ATP1A4: variants seen among roughly 807,000 people sequenced by gnomAD.
ATP1A4 encodes ATPase Na+/K+ transporting subunit alpha 4.
ATP1A4 carries 90 observed loss-of-function variants against 114.3 expected under a neutral mutation model. The observed-to-expected ratio is 0.79, with a 90% CI of 0.66 to 0.94. The LOEUF is 0.94. ATP1A4 is among the 40% of genes least tolerant of loss of function. ATP1A4 has a pLI of 0.00. For missense variants in ATP1A4, 1,222 were observed against 1,313.6 expected (o/e 0.93, Z 1.08); for synonymous variants, 511 against 494.1 (o/e 1.03, Z -0.45).
Position 160,174,865 on chromosome 1 carries a change from G to A in ATP1A4, c.2311+118G>A, listed in dbSNP as rs895907767. The A allele has an allele frequency of 2.7e-6, 4 of 1,464,036 alleles. No homozygotes were observed. In the African/African-American group the frequency reaches 4.2e-5, roughly 16 times the overall value. The allele number at this position is 1,464,036 out of a possible 1,614,324, so 90.7% of individuals were successfully genotyped here. A position where few individuals can be genotyped will look rare whatever the true frequency, so the allele number is the denominator to read the frequency against. On this transcript the variant is annotated intron_variant, in intron 15 of 21. Coordinates refer to ENST00000368081, the MANE Select transcript of ATP1A4 (RefSeq NM_144699.4). Reference sequence around the variant, plus strand: ...ACCTCCATGAGCCTGTACGGGCTCAGAAGAAAATCACTGTAAGACAAAATT... The same window carrying A: ...ACCTCCATGAGCCTGTACGGGCTCAAAAGAAAATCACTGTAAGACAAAATT...
intron 1 of ATP1A4, among the ~76,000 whole-genome samples, 185 bp from the exon 2 acceptor site, chr1:160,152,980 G>A (rs1355019043): frequency 2.0e-5 from 3 of 152,094 alleles, no homozygotes; most frequent in African/African-American, 4.8e-5. Context: ...GCAGTGAGTC[G>A]AAATCGCACC....
chr1:160,161,193 T>C (rs1652852894), intron 6 of ATP1A4, among the ~76,000 whole-genome samples: 1 of 152,210 alleles, frequency 6.6e-6, no homozygotes, highest in African/African-American at 2.4e-5. Flanking sequence ...CCGATAGCAT[T>C]TACCCTAGAT....
At chr1:160,171,085 G>A in intron 10 of ATP1A4, 166 bp from the exon 11 acceptor site, 1 of 569,476 alleles carries the variant, frequency 1.8e-6, no homozygotes, top group Non-Finnish European at 3.1e-6. Context: ...GAAAAAGGAG[G>A]AGGGGCTGGG....
At chr1:160,160,373 C>A (rs558692022) in intron 6 of ATP1A4, among the ~76,000 whole-genome samples, 1 of 152,056 alleles carries the variant, frequency 6.6e-6, no homozygotes, top group Non-Finnish European at 1.5e-5. Flanking sequence ...CCCACCACCA[C>A]GCCCAGTTAT....
rs1436907074 is a variant in ATP1A4, at chr1:160,174,111, T to A, written c.1992T>A (p.Ser664Arg). ...GCCTTTTGAAATTATTTTCCCTCAG[T>A]GCTGCCAAAGCCATTGTGGTGCATG... ...LKIPISKVDA[S>R]AAKAIVVHGA... The change falls in exon 14 of 22, where the codon AGT becomes AGA. Residue 664 changes from serine (S) to arginine (R), a missense_variant and splice_region_variant. Ser to Arg is a moderately radical substitution (Grantham distance 110). Transcript: ENST00000368081. The A allele has an allele frequency of 6.2e-7, 1 of 1,613,558 alleles. No individual in the cohort carries two copies. Among genetic ancestry groups the A allele is most frequent in the Non-Finnish European group, 8.5e-7 (1 of 1,179,794 alleles).
chr1:160,186,514 T>TA, intron 21 of ATP1A4, 147 bp downstream of exon 21: 1 of 1,057,148 alleles, frequency 9.5e-7, no homozygotes, highest in Non-Finnish European at 1.4e-6. Flanking sequence ...GAGACCTCTC[T>TA]ACCCCTTGGC....
intron 20 of ATP1A4, among the ~76,000 whole-genome samples, chr1:160,184,756 C>T (rs1352759757): frequency 3.9e-5 from 6 of 152,266 alleles, no homozygotes; most frequent in Non-Finnish European, 7.3e-5. Flanking sequence ...TTGGACAGTG[C>T]TGGTCTAGGC....
intron 7 of ATP1A4, 38 bp from the exon 8 acceptor site, chr1:160,166,490 T>A (rs1168290187): frequency 3.1e-6 from 5 of 1,607,894 alleles, no homozygotes; most frequent in Admixed American, 3.4e-5. Context: ...GAGTATTCCA[T>A]CTCCCATGTG....
chr1:160,165,332 GCTT>G (rs1652988339), intron 7 of ATP1A4, among the ~76,000 whole-genome samples: 1 of 152,184 alleles, frequency 6.6e-6, no homozygotes, highest in South Asian at 2.1e-4. Context: ...GAATTCATTA[GCTT>G]TTAAAACAAT....
chr1:160,160,882 C>T (rs1652843188), intron 6 of ATP1A4, among the ~76,000 whole-genome samples: 1 of 152,116 alleles, frequency 6.6e-6, no homozygotes, highest in South Asian at 2.1e-4. Flanking sequence ...ATTGATTGGA[C>T]AGAAGCAAGT....
chr1:160,156,782 C>G (rs1046935880), intron 4 of ATP1A4, among the ~76,000 whole-genome samples: 1 of 151,906 alleles, frequency 6.6e-6, no homozygotes, highest in African/African-American at 2.4e-5. Context: ...GACCCTGTCT[C>G]AAAAAATAAT....
chr1:160,161,860 A>C (rs1348868183), intron 6 of ATP1A4, among the ~76,000 whole-genome samples: 1 of 152,238 alleles, frequency 6.6e-6, no homozygotes, highest in African/African-American at 2.4e-5. Context: ...CAACCTTAGA[A>C]AACGGAGACC....
At chr1:160,171,049 A>T in intron 10 of ATP1A4, 1 of 497,548 alleles carries the variant, frequency 2.0e-6, no homozygotes, top group Non-Finnish European at 3.5e-6. Flanking sequence ...ATTCCTGTGC[A>T]AATAATACCA....
chr1:160,155,344 C>A, intron 3 of ATP1A4, 96 bp downstream of exon 3: 1 of 784,550 alleles, frequency 1.3e-6, no homozygotes, highest in Non-Finnish European at 2.0e-6. Flanking sequence ...TCCTCTGGCC[C>A]AAATCCCTAA....
chr1:160,152,298 C>A, intron 1 of ATP1A4, 111 bp downstream of exon 1: 3 of 1,177,538 alleles, frequency 2.5e-6, no homozygotes, highest in Non-Finnish European at 3.5e-6. Context: ...CACATCTCTT[C>A]TCTGTTAGGC....
intron 10 of ATP1A4, among the ~76,000 whole-genome samples, chr1:160,167,860 G>A (rs1168499953): frequency 2.0e-5 from 3 of 152,172 alleles, no homozygotes; most frequent in Non-Finnish European, 4.4e-5. Flanking sequence ...CACTTGGCTT[G>A]CAGTTCTAGT....
chr1:160,158,952 A>G (rs1216742602), intron 4 of ATP1A4, 50 bp from the exon 5 acceptor site: 1 of 1,586,684 alleles, frequency 6.3e-7, no homozygotes, highest in Admixed American at 1.7e-5. Context: ...TAAGAGTGGG[A>G]TGAGGAAAGC....
rs1653710356 is a variant in ATP1A4 at position 160,181,664 on chromosome 1, T to C, written c.2737-20T>C. The stretch of plus-strand genomic sequence containing the variant: ...AGAATCCCCTTCTGACACTGTTTCC[T>C]CTCTCCCTGCTGTCTCTAGACCTAT... On this transcript the variant is annotated intron_variant, in intron 18 of 21. Coordinates refer to ENST00000368081, the MANE Select transcript of ATP1A4 (RefSeq NM_144699.4). 1 of 1,613,510 alleles carries C rather than the reference T, an allele frequency of 6.2e-7. No homozygotes were observed. Among genetic ancestry groups the C allele is most frequent in the Non-Finnish European group, 8.5e-7 (1 of 1,179,670 alleles).
At chr1:160,176,270 G>A (rs1653460517) in intron 16 of ATP1A4, 24 bp downstream of exon 16, 1 of 1,613,030 alleles carries the variant, frequency 6.2e-7, no homozygotes, top group Admixed American at 1.7e-5. Flanking sequence ...TGGTGAGCAA[G>A]AGATTCCCAG....
Sources: gnomAD v4.1 joint callset for allele counts (sites outside exome capture counted in the v4.1 genomes callset) on GRCh38, gnomAD v4.1.1 for gene constraint, MANE v1.5 for transcripts, NCBI Gene and HGNC (gene_info 2026-07-23, HGNC 2026-07-21) for gene names.